Variants in ANKS1B observed in about 807,000 individuals in gnomAD.
The protein encoded by ANKS1B is ankyrin repeat and sterile alpha motif domain containing 1B, also known as ankyrin repeat and sterile alpha motif domain-containing protein 1B.
Under a neutral mutation model 148.3 loss-of-function variants are expected in ANKS1B, and 36 were observed. The ratio of observed to expected loss-of-function variants is 0.24; its 90% CI spans 0.19 to 0.32. The LOEUF is 0.32. Ranked by LOEUF, ANKS1B falls within the 10% of genes least tolerant of loss-of-function variation. The pLI, the probability that ANKS1B is intolerant of heterozygous loss-of-function variation, is 1.00. For missense variants in ANKS1B, 1,157 were observed against 1,542.6 expected (o/e 0.75, Z 4.19); for synonymous variants, 542 against 560.8 (o/e 0.97, Z 0.47).
At chr12:99,174,132 T>C (rs909939364) in intron 14 of ANKS1B, among the ~76,000 whole-genome samples, 3 of 152,198 alleles carry the variant, frequency 2.0e-5, no homozygotes, top group Non-Finnish European at 4.4e-5. Context: ...GATTCTATGT[T>C]GAGGCCCGTG....
chr12:98,859,693 T>A (rs1462002423), intron 17 of ANKS1B, among the ~76,000 whole-genome samples: 1 of 152,236 alleles, frequency 6.6e-6, no homozygotes, highest in South Asian at 2.1e-4. Flanking sequence ...GAAACAACAT[T>A]TAAATCGATA....
At chr12:98,830,629 G>A (rs1594924222) in intron 18 of ANKS1B, among the ~76,000 whole-genome samples, 1 of 152,210 alleles carries the variant, frequency 6.6e-6, no homozygotes, top group Non-Finnish European at 1.5e-5. Flanking sequence ...CATCACGATG[G>A]TTACGTCCGG....
chr12:98,821,762 C>T (rs963713460), intron 19 of ANKS1B, among the ~76,000 whole-genome samples: 1 of 152,038 alleles, frequency 6.6e-6, no homozygotes, highest in Admixed American at 6.6e-5. Flanking sequence ...CATCTGCCAC[C>T]ATGCCCAGAT....
At chr12:99,479,484 T>C (rs2096376373) in intron 10 of ANKS1B, among the ~76,000 whole-genome samples, 1 of 152,030 alleles carries the variant, frequency 6.6e-6, no homozygotes, top group African/African-American at 2.4e-5. Flanking sequence ...CTATTGACCA[T>C]CAATGGATGG....
At chr12:99,466,872 T>C (rs2096127126) in intron 10 of ANKS1B, among the ~76,000 whole-genome samples, 1 of 152,164 alleles carries the variant, frequency 6.6e-6, no homozygotes, top group Non-Finnish European at 1.5e-5. Flanking sequence ...AAGGAGGAAC[T>C]GGTACCATTC....
chr12:98,859,052 C>T (rs931676746), intron 17 of ANKS1B, among the ~76,000 whole-genome samples: 8 of 152,160 alleles, frequency 5.3e-5, no homozygotes, highest in African/African-American at 1.9e-4. Flanking sequence ...TAAAGGAACG[C>T]TGTGTGTAGT....
At chr12:99,269,504 AT>A (rs35128190) in intron 12 of ANKS1B, among the ~76,000 whole-genome samples, 7,596 of 147,908 alleles carry the variant, frequency 0.051, 308 homozygotes, top group African/African-American at 0.11. Context: ...AAATAAGCAG[AT>A]TTTTTTTTTT....
At chr12:99,119,250 A>G (rs2153721180) in intron 15 of ANKS1B, among the ~76,000 whole-genome samples, 1 of 152,184 alleles carries the variant, frequency 6.6e-6, no homozygotes, top group Admixed American at 6.5e-5. Flanking sequence ...CAGAAATTGG[A>G]GTGATGTGGG....
chr12:99,812,913 T>C (rs2068612638), intron 2 of ANKS1B, among the ~76,000 whole-genome samples: 1 of 151,696 alleles, frequency 6.6e-6, no homozygotes, highest in Non-Finnish European at 1.5e-5. Context: ...AAGTGCAGTA[T>C]GTAAGGGACC....
intron 1 of ANKS1B, among the ~76,000 whole-genome samples, chr12:99,971,340 G>A (rs1220882813): frequency 6.6e-6 from 1 of 152,120 alleles, no homozygotes; most frequent in East Asian, 1.9e-4. Context: ...CTCCATTGCT[G>A]GAGTTTACCC....
intron 4 of ANKS1B, among the ~76,000 whole-genome samples, chr12:99,800,896 G>T (rs764889319): frequency 6.6e-6 from 1 of 152,096 alleles, no homozygotes; most frequent in Non-Finnish European, 1.5e-5. Context: ...TGAGGTCAAT[G>T]AGGAAGTAGG....
chr12:98,911,106 T>G (rs1472048083), intron 17 of ANKS1B, among the ~76,000 whole-genome samples: 1 of 152,192 alleles, frequency 6.6e-6, no homozygotes, highest in African/African-American at 2.4e-5. Flanking sequence ...TGGTAGATTT[T>G]TTTTTTAAAC....
At chr12:99,560,411 A>C (rs2097321358) in intron 9 of ANKS1B, among the ~76,000 whole-genome samples, 1 of 152,094 alleles carries the variant, frequency 6.6e-6, no homozygotes, top group South Asian at 2.1e-4. Context: ...AAAAAATCCA[A>C]ATTCAGTTGC....
intron 10 of ANKS1B, among the ~76,000 whole-genome samples, chr12:99,495,375 G>T (rs2096594428): frequency 6.6e-6 from 1 of 151,368 alleles, no homozygotes; most frequent in Non-Finnish European, 1.5e-5. Flanking sequence ...GTGTGTGTGT[G>T]TGTGTAGTTT....
intron 15 of ANKS1B, among the ~76,000 whole-genome samples, chr12:99,141,993 C>CA (rs1445085489): frequency 6.6e-6 from 1 of 151,986 alleles, no homozygotes. Context: ...GCTTTCTAAA[C>CA]ACTTTGAGTT....
At chr12:99,559,999 C>G (rs1303725179) in intron 9 of ANKS1B, among the ~76,000 whole-genome samples, 1 of 152,170 alleles carries the variant, frequency 6.6e-6, no homozygotes. Flanking sequence ...TGTTTCAGTA[C>G]TTCAGAAAAT....
At chr12:99,834,562 C>G (rs571701473) in intron 1 of ANKS1B, among the ~76,000 whole-genome samples, 26 of 152,198 alleles carry the variant, frequency 1.7e-4, no homozygotes, top group Middle Eastern at 3.4e-3. Context: ...TTTCAAATAA[C>G]CAGGACATTC....
rs10526476 is a variant in ANKS1B at position 99,333,854 on chromosome 12, G to GTTTT, written c.1756+65773_1756+65776dup. On this transcript the variant is annotated intron_variant, in intron 12 of 26. Transcript: ENST00000683438. The stretch of plus-strand genomic sequence containing the variant: ...ATCAAAGTCACATTTCCAGTTCTCA[G>GTTTT]TTTTTTTTTTTTTTTTTTTTTAACA... Among the ~76,000 whole-genome samples, 231 of 107,434 alleles carry GTTTT rather than the reference G, an allele frequency of 2.2e-3. 7 individuals carry two copies. The highest frequency in any genetic ancestry group is 5.9e-3 in the African/African-American group (149 of 25,090). The allele number at this position is 107,434 out of a possible 152,430, so 70.5% of individuals were successfully genotyped here.
intron 1 of ANKS1B, among the ~76,000 whole-genome samples, chr12:99,975,873 C>A (rs1357397587): frequency 6.6e-6 from 1 of 152,162 alleles, no homozygotes; most frequent in Admixed American, 6.5e-5. Context: ...GAAAATAAAT[C>A]ATTCTACCAA....
Sources: gnomAD v4.1 joint callset for allele counts (sites outside exome capture counted in the v4.1 genomes callset) on GRCh38, gnomAD v4.1.1 for gene constraint, MANE v1.5 for transcripts, NCBI Gene and HGNC (gene_info 2026-07-23, HGNC 2026-07-21) for gene names.